ZNF235: variants seen among roughly 807,000 people sequenced by gnomAD.
ZNF235 encodes zfp-93.
Under a neutral mutation model 29.4 loss-of-function variants are expected in ZNF235, and 25 were observed. The observed-to-expected ratio is 0.85, with a 90% CI of 0.62 to 1.19. The LOEUF (loss-of-function observed/expected upper bound fraction) is 1.19. Ranked by LOEUF, ZNF235 falls within the 50% of genes most tolerant of loss-of-function variation. The probability of loss-of-function intolerance (pLI) is 0.00; values close to 1 mark genes in which losing one functional copy is unlikely to be tolerated. For missense variants in ZNF235, 788 were observed against 885.0 expected, an observed-to-expected ratio of 0.89 and a Z score of 1.39; for synonymous variants, 300 against 295.3, an observed-to-expected ratio of 1.02 and a Z score of -0.16.
At chr19:44,289,833 C>G (rs997828700) in intron 4 of ZNF235, 6 of 152,190 alleles carry the variant, frequency 3.9e-5, no homozygotes, top group African/African-American at 1.4e-4. Context: ...ATATATGCCT[C>G]AATTATAGGC....
At chr19:44,293,241 G>T (rs1975608748) in intron 4 of ZNF235, among the ~76,000 whole-genome samples, 1 of 152,002 alleles carries the variant, frequency 6.6e-6, no homozygotes, top group Admixed American at 6.6e-5. Flanking sequence ...GGTAGAAAAA[G>T]ATATTCCATG....
chr19:44,294,394 C>G (rs1035789297), intron 4 of ZNF235, among the ~76,000 whole-genome samples: 4 of 152,012 alleles, frequency 2.6e-5, no homozygotes, highest in African/African-American at 9.7e-5. Flanking sequence ...CTAAACAGAC[C>G]AGTAATGAGC....
chr19:44,288,744 T>C lies in ZNF235; in HGVS notation c.691A>G (p.Lys231Glu). The part of the protein sequence containing the change: ...SHHHDDNIVH[K>E]RDKVHSNSDC... ...CTATTGCTATGAACTTTATCTCTTTTGTGCACTATATTATCATCATGGTGG... is the reference window on the plus strand; with the variant it reads ...CTATTGCTATGAACTTTATCTCTTTCGTGCACTATATTATCATCATGGTGG... Residue 231 changes from lysine to glutamate, a missense_variant, in exon 5 of 5, where the codon AAA becomes GAA. Lys to Glu is a moderately conservative substitution (Grantham distance 56). Coordinates refer to ENST00000291182, the MANE Select transcript of ZNF235 (RefSeq NM_004234.4). 6.2e-7 allele frequency: 1 copy of C among 1,614,086 alleles called. No individual in the cohort carries two copies. Among genetic ancestry groups the C allele is most frequent in the Non-Finnish European group, 8.5e-7 (1 of 1,179,988 alleles).
chr19:44,302,352 G>A (rs968086468), intron 2 of ZNF235, among the ~76,000 whole-genome samples: 1 of 152,102 alleles, frequency 6.6e-6, no homozygotes, highest in Non-Finnish European at 1.5e-5. Context: ...GATGGAAAAT[G>A]ATGTGATCAT....
chr19:44,298,038 G>T (rs992779580), intron 4 of ZNF235, among the ~76,000 whole-genome samples: 1 of 152,054 alleles, frequency 6.6e-6, no homozygotes. Flanking sequence ...AGGATTGCTT[G>T]AGCACAGGAG....
At chr19:44,294,154 A>G (rs1975622443) in intron 4 of ZNF235, among the ~76,000 whole-genome samples, 1 of 152,124 alleles carries the variant, frequency 6.6e-6, no homozygotes, top group Non-Finnish European at 1.5e-5. Flanking sequence ...TAAAATTGAT[A>G]GACTGCCAGT....
intron 2 of ZNF235, among the ~76,000 whole-genome samples, chr19:44,300,712 C>T (rs957590437): frequency 6.6e-6 from 1 of 151,918 alleles, no homozygotes; most frequent in African/African-American, 2.4e-5. Flanking sequence ...TGATGGCACA[C>T]ATCTGTAATC....
At chr19:44,300,843 A>G (rs1975727227) in intron 2 of ZNF235, among the ~76,000 whole-genome samples, 1 of 133,946 alleles carries the variant, frequency 7.5e-6, no homozygotes, top group South Asian at 2.5e-4. Flanking sequence ...CCGTCTCAAA[A>G]AAAAAAAAAA....
intron 4 of ZNF235, among the ~76,000 whole-genome samples, chr19:44,294,470 C>T (rs952734431): frequency 2.0e-5 from 3 of 152,054 alleles, no homozygotes; most frequent in African/African-American, 2.4e-5. Flanking sequence ...GACAAAGGTA[C>T]ACTGGAATTC....
At position 44,288,559 on chromosome 19, in the gene ZNF235, C is replaced by T. The variant is rs771478267; in HGVS notation, c.876G>A (p.Ala292=). The change falls in exon 5 of 5, where the codon GCG becomes GCA. Residue 292 remains alanine (A), a synonymous_variant. Coordinates refer to ENST00000291182, the MANE Select transcript of ZNF235 (RefSeq NM_004234.4). The part of the protein sequence containing the change: ...KQVHLGKKSP[A]CSTHEKDTSY... ...TGGTGTCCTTCTCATGTGTACTACACGCTGGAGACTTCTTTCCCAAGTGTA... is the reference window on the plus strand; with the variant it reads ...TGGTGTCCTTCTCATGTGTACTACATGCTGGAGACTTCTTTCCCAAGTGTA... The T allele has an allele frequency of 2.9e-5, 47 of 1,613,972 alleles. No individual in the cohort carries two copies. The highest frequency in any genetic ancestry group is 1.4e-4 in the South Asian group (13 of 91,088).
chr19:44,299,529 A>C, intron 3 of ZNF235, 77 bp downstream of exon 3: 1 of 1,568,792 alleles, frequency 6.4e-7, no homozygotes, highest in Non-Finnish European at 8.7e-7. Flanking sequence ...GATACAACAC[A>C]GAATTATCTG....
intron 1 of ZNF235, chr19:44,304,677 A>C (rs2123111764): frequency 1.0e-6 from 1 of 972,244 alleles, no homozygotes; most frequent in African/African-American, 1.8e-5. Flanking sequence ...GGAAACTGAG[A>C]CAAGGAGAGA....
chr19:44,292,363 A>G (rs912031968), intron 4 of ZNF235, among the ~76,000 whole-genome samples: 6 of 151,874 alleles, frequency 4.0e-5, no homozygotes, highest in African/African-American at 4.8e-5. Context: ...AAATTTACCA[A>G]AGAGAAAGAG....
At position 44,304,635 on chromosome 19, in the gene ZNF235, A is replaced by G. The variant is rs1349413058; in HGVS notation, c.-49+336T>C. 3 of 758,694 alleles carry G rather than the reference A, an allele frequency of 4.0e-6. No homozygotes were observed. In the African/African-American group the frequency reaches 5.7e-5, roughly 14 times the overall value. 47.0% of individuals were successfully genotyped at this position (758,694 alleles called of 1,614,324 possible). A position where few individuals can be genotyped will look rare whatever the true frequency, so the allele number is the denominator to read the frequency against. ...CTCATTTAATTCTCACAAGAACATC[A>G]CTGGGAACGCACTAACCCTTTACAG... On this transcript the variant is annotated intron_variant, in intron 1 of 4. Transcript: ENST00000291182.
At chr19:44,291,012 A>T (rs1239283471) in intron 4 of ZNF235, 2 of 152,228 alleles carry the variant, frequency 1.3e-5, no homozygotes, top group Admixed American at 1.3e-4. Context: ...ACAAGTAGGT[A>T]ATAAGTGAAG....
intron 4 of ZNF235, 34 bp from the exon 5 acceptor site, chr19:44,289,230 C>A (rs1448288311): frequency 6.5e-7 from 1 of 1,549,866 alleles, no homozygotes; most frequent in Non-Finnish European, 8.7e-7. Context: ...AATAAAGGAC[C>A]AAGAGACTGA....
In ZNF235 at chr19:44,288,013, A is replaced by G. The variant is rs1179296341; in HGVS notation, c.1422T>C (p.Leu474=). ...CTGTGTGGACTCGTTGATGACTATG[A>G]AGATTAAAGCTCAAACTAAAGCACT... ...CGKCFSLSFN[L]HSHQRVHTGE... is the part of the protein sequence containing the mutation. Residue 474 remains leucine (L), a synonymous_variant, in exon 5 of 5, where the codon CTT becomes CTC. Transcript: ENST00000291182. 6.2e-7 allele frequency: 1 copy of G among 1,613,686 alleles called. No homozygotes were observed. The highest frequency in any genetic ancestry group is 8.5e-7 in the Non-Finnish European group (1 of 1,179,934).
Position 44,303,267 on chromosome 19 carries a change from T to C in ZNF235, c.15+123A>G, listed in dbSNP as rs1046375146. 6 of 824,798 alleles carry C rather than the reference T, an allele frequency of 7.3e-6. No individual in the cohort carries two copies. The African/African-American group carries it at 1.0e-4, about 14-fold the overall frequency. The allele number at this position is 824,798 out of a possible 1,614,324, so 51.1% of individuals were successfully genotyped here. A position where few individuals can be genotyped will look rare whatever the true frequency, so the allele number is the denominator to read the frequency against. ...TATATTGAAATAAAAGGCAACAACC[T>C]GGCATATAACAACATTCCAAGTGCC... On this transcript the variant is annotated intron_variant, in intron 2 of 4. Transcript: ENST00000291182.
intron 2 of ZNF235, among the ~76,000 whole-genome samples, chr19:44,302,821 T>C (rs1599894545): frequency 6.9e-6 from 1 of 145,310 alleles, no homozygotes; most frequent in Non-Finnish European, 1.5e-5. Flanking sequence ...TATATACTTA[T>C]ATATATATAA....
Sources: allele counts gnomAD v4.1 joint callset (sites outside exome capture counted in the v4.1 genomes callset), GRCh38; gene constraint gnomAD v4.1.1; transcripts MANE v1.5; gene names NCBI Gene and HGNC (gene_info 2026-07-23, HGNC 2026-07-21).